ZNF670: variants seen among roughly 807,000 people sequenced by gnomAD.
The protein encoded by ZNF670 is zinc finger protein 670.
Under a neutral mutation model 10.9 loss-of-function variants are expected in ZNF670, and 7 were observed. The observed-to-expected ratio is 0.64, with a 90% CI of 0.36 to 1.20. The LOEUF is 1.20. Ranked by LOEUF, ZNF670 falls within the 50% of genes most tolerant of loss-of-function variation. The pLI is 0.02. For synonymous variants in ZNF670, 136 were observed against 152.7 expected (o/e 0.89, Z 0.81); for missense variants, 446 against 458.6 (o/e 0.97, Z 0.25).
At chr1:247,059,216 C>T (rs777354371) in intron 1 of ZNF670, among the ~76,000 whole-genome samples, 33 of 151,868 alleles carry the variant, frequency 2.2e-4, no homozygotes, top group Non-Finnish European at 4.1e-4. Flanking sequence ...CCGAGGCGGG[C>T]GGATCATGAG....
rs1473814055 is a variant in ZNF670 at position 247,035,341 on chromosome 1, G to A, written c.*2108C>T. On this transcript the variant is annotated 3_prime_UTR_variant, in exon 4 of 4. Coordinates refer to ENST00000366503, the MANE Select transcript of ZNF670 (RefSeq NM_033213.5). ...ACAAAAAAGGGAGGGTTCTGTAAAC[G>A]AGGCTGGTCCACACAAGACTTGCAC... 1.3e-5 allele frequency among the ~76,000 whole-genome samples: 2 copies of A among 152,146 alleles called. No homozygotes were observed. Among genetic ancestry groups the A allele is most frequent in the Admixed American group, 6.5e-5 (1 of 15,274 alleles).
chr1:247,058,408 C>T (rs1442691218), intron 1 of ZNF670, among the ~76,000 whole-genome samples: 1 of 152,054 alleles, frequency 6.6e-6, no homozygotes, highest in Non-Finnish European at 1.5e-5. Flanking sequence ...GCATGGAGGG[C>T]ATGTGCTAGA....
chr1:247,043,690 A>G, intron 1 of ZNF670: 1 of 481,894 alleles, frequency 2.1e-6, no homozygotes, highest in Non-Finnish European at 4.0e-6. Context: ...ACGATGGGGT[A>G]TCAATGTCAA....
chr1:247,078,380 A>G (rs1334608675), intron 1 of ZNF670, among the ~76,000 whole-genome samples: 2 of 152,188 alleles, frequency 1.3e-5, no homozygotes, highest in African/African-American at 4.8e-5. Context: ...AGAGCTGCCC[A>G]GAAAGGGTTC....
chr1:247,039,127 C>T (rs563218902), intron 2 of ZNF670, among the ~76,000 whole-genome samples: 110 of 143,562 alleles, frequency 7.7e-4, no homozygotes, highest in African/African-American at 2.8e-3. Flanking sequence ...GGCTCAATCT[C>T]GGCTCACTGC....
At chr1:247,070,620 AAAAT>A (rs1284002530) in intron 1 of ZNF670, among the ~76,000 whole-genome samples, 1 of 152,216 alleles carries the variant, frequency 6.6e-6, no homozygotes, top group African/African-American at 2.4e-5. Flanking sequence ...AACAAAAACA[AAAAT>A]AAATAAGTGG....
chr1:247,067,942 T>C (rs1380302829), intron 1 of ZNF670, among the ~76,000 whole-genome samples: 1 of 145,818 alleles, frequency 6.9e-6, no homozygotes, highest in Non-Finnish European at 1.5e-5. Context: ...ATTTGCAAAC[T>C]ATGCATCTGA....
intron 1 of ZNF670, among the ~76,000 whole-genome samples, chr1:247,045,440 C>T (rs537027103): frequency 7.2e-5 from 11 of 152,110 alleles, no homozygotes; most frequent in Admixed American, 5.9e-4. Context: ...ACAGGAGAGC[C>T]GGGTATTTAA....
chr1:247,074,920 CA>C (rs1671219139), intron 1 of ZNF670, among the ~76,000 whole-genome samples: 1 of 152,170 alleles, frequency 6.6e-6, no homozygotes, highest in South Asian at 2.1e-4. Context: ...AATGCCAGGA[CA>C]ATGAAAATTA....
chr1:247,045,926 G>C (rs80228780), intron 1 of ZNF670, among the ~76,000 whole-genome samples: 1 of 152,130 alleles, frequency 6.6e-6, no homozygotes, highest in Non-Finnish European at 1.5e-5. Flanking sequence ...TTGAGCAAAG[G>C]TCACCCATGT....
chr1:247,072,843 TACAC>T (rs1553323588), intron 1 of ZNF670, among the ~76,000 whole-genome samples: 1 of 85,814 alleles, frequency 1.2e-5, no homozygotes. Flanking sequence ...TATATATGCA[TACAC>T]ACACATACAC....
rs1361261361 is a variant in ZNF670, at chr1:247,037,944, A to T, written c.675T>A (p.Tyr225Ter). The T allele has an allele frequency of 6.2e-7, 1 of 1,613,924 alleles. No homozygotes were observed. Among genetic ancestry groups the T allele is most frequent in the East Asian group, 2.2e-5 (1 of 44,874 alleles). The change falls in exon 4 of 4, where the codon TAT becomes TAA. Residue 225 changes from tyrosine to a stop codon, truncating the protein, a stop_gained. Transcript: ENST00000366503. LOFTEE classifies it low-confidence loss of function (END_TRUNC). The part of the protein sequence containing the change: ...HERTHTGEKP[Y>*]ACKKCGKSFT... ...ATGATTTACCACATTTCTTACATGC[A>T]TAGGGTTTCTCTCCAGTATGAGTTC...
At chr1:247,051,443 C>T (rs536507266) in intron 1 of ZNF670, among the ~76,000 whole-genome samples, 1 of 152,220 alleles carries the variant, frequency 6.6e-6, no homozygotes, top group East Asian at 1.9e-4. Flanking sequence ...ATGATAGAAC[C>T]CCAATCTCTT....
At chr1:247,042,687 C>T (rs1670345654) in intron 1 of ZNF670, 1 of 312,534 alleles carries the variant, frequency 3.2e-6, no homozygotes, top group African/African-American at 2.1e-5. Flanking sequence ...AAGTTGACAG[C>T]AGTGAATTAA....
chr1:247,046,183 G>A (rs2103056103), intron 1 of ZNF670, among the ~76,000 whole-genome samples: 1 of 152,308 alleles, frequency 6.6e-6, no homozygotes, highest in Non-Finnish European at 1.5e-5. Flanking sequence ...GGTAAAGAGG[G>A]AATCCAAGCA....
In ZNF670 at chr1:247,078,640, G is replaced by T; in HGVS notation, c.-44C>A. 6.2e-7 allele frequency: 1 copy of T among 1,611,254 alleles called. No individual in the cohort carries two copies. Among genetic ancestry groups the T allele is most frequent in the Non-Finnish European group, 8.5e-7 (1 of 1,178,320 alleles). ...TGGGGTCCTCCCTAAGGACCTTCCG[G>T]GACCTGCAGGTCCCAGAGCAACAGA... On this transcript the variant is annotated 5_prime_UTR_variant, in exon 1 of 4. Transcript: ENST00000366503.
At chr1:247,066,756 T>C (rs912208919) in intron 1 of ZNF670, among the ~76,000 whole-genome samples, 1 of 152,170 alleles carries the variant, frequency 6.6e-6, no homozygotes, top group Non-Finnish European at 1.5e-5. Flanking sequence ...ACACAGACCT[T>C]AAGTTCTGAT....
chr1:247,053,424 A>G (rs1045691529), intron 1 of ZNF670, among the ~76,000 whole-genome samples: 1 of 152,120 alleles, frequency 6.6e-6, no homozygotes, highest in African/African-American at 2.4e-5. Flanking sequence ...CGAGGTCAGG[A>G]GATAAGAGAC....
At chr1:247,077,552 CAT>C (rs756330844) in intron 1 of ZNF670, among the ~76,000 whole-genome samples, 8 of 152,152 alleles carry the variant, frequency 5.3e-5, no homozygotes, top group Admixed American at 2.0e-4. Context: ...GCTTTCCACT[CAT>C]GTGTAATGTT....
Sources: allele counts gnomAD v4.1 joint callset (sites outside exome capture counted in the v4.1 genomes callset), GRCh38; gene constraint gnomAD v4.1.1; transcripts MANE v1.5; gene names NCBI Gene and HGNC (gene_info 2026-07-23, HGNC 2026-07-21).